Variants in IMMP2L observed in about 807,000 individuals in gnomAD.
The protein encoded by IMMP2L is inner mitochondrial membrane peptidase subunit 2.
A neutral mutation model predicts 19.3 loss-of-function variants in IMMP2L; 18 were observed. The ratio of observed to expected loss-of-function variants is 0.93; its 90% confidence interval spans 0.64 to 1.38. The LOEUF is 1.38. Among genes scored for constraint, IMMP2L ranks in the 40% most tolerant of loss-of-function variants. The pLI is 0.00. For synonymous variants in IMMP2L, 76 were observed against 73.0 expected, an observed-to-expected ratio of 1.04 and a Z score of -0.21; for missense variants, 233 against 218.2, an observed-to-expected ratio of 1.07 and a Z score of -0.43.
intron 3 of IMMP2L, among the ~76,000 whole-genome samples, chr7:111,220,580 G>C (rs1372891983): frequency 9.8e-6 from 1 of 102,190 alleles, no homozygotes; most frequent in Non-Finnish European, 2.1e-5. Context: ...GAAACATGAT[G>C]GATGGATGGA....
intron 4 of IMMP2L, among the ~76,000 whole-genome samples, chr7:110,956,669 G>T (rs1257248467): frequency 6.6e-6 from 1 of 151,704 alleles, no homozygotes; most frequent in Non-Finnish European, 1.5e-5. Context: ...TTCTTCACTA[G>T]GGACTAAAAA....
At chr7:111,419,651 A>C (rs1396929365) in intron 3 of IMMP2L, among the ~76,000 whole-genome samples, 2 of 151,666 alleles carry the variant, frequency 1.3e-5, no homozygotes, top group Non-Finnish European at 2.9e-5. Context: ...TTTATCTTAC[A>C]TATGTTTATT....
chr7:111,288,247 G>A (rs1011653271), intron 3 of IMMP2L, among the ~76,000 whole-genome samples: 2 of 152,064 alleles, frequency 1.3e-5, no homozygotes, highest in Admixed American at 6.6e-5. Context: ...AAAGAAATTC[G>A]TATTTGGTGG....
chr7:111,274,651 A>G (rs886914053), intron 3 of IMMP2L, among the ~76,000 whole-genome samples: 3 of 152,178 alleles, frequency 2.0e-5, no homozygotes, highest in Admixed American at 6.5e-5. Flanking sequence ...CAATTAACAA[A>G]CAGACATGAA....
chr7:111,202,142 TAATTGTCACTTGAGA>T, intron 3 of IMMP2L, among the ~76,000 whole-genome samples: 2 of 152,338 alleles, frequency 1.3e-5, no homozygotes, highest in African/African-American at 2.4e-5. Flanking sequence ...ATTCAAAGCG[TAATTGTCACTTGAGA>T]GACAATTAAA....
At chr7:110,804,420 C>T (rs998190403) in intron 5 of IMMP2L, among the ~76,000 whole-genome samples, 3 of 151,904 alleles carry the variant, frequency 2.0e-5, no homozygotes, top group African/African-American at 7.3e-5. Context: ...TCTTTGGAGT[C>T]TAAAAGAGTA....
intron 3 of IMMP2L, among the ~76,000 whole-genome samples, chr7:111,338,874 C>A (rs969011540): frequency 6.6e-6 from 1 of 152,104 alleles, no homozygotes; most frequent in South Asian, 2.1e-4. Context: ...CAGTTGGCAA[C>A]AAGCTTCACC....
At chr7:111,488,893 A>C (rs1019894848) in intron 2 of IMMP2L, among the ~76,000 whole-genome samples, 1 of 151,532 alleles carries the variant, frequency 6.6e-6, no homozygotes, top group African/African-American at 2.4e-5. Context: ...GATTATGGCC[A>C]CTCTTGCAGG....
chr7:110,781,011 G>A (rs1024118028), intron 5 of IMMP2L, among the ~76,000 whole-genome samples: 16 of 151,914 alleles, frequency 1.1e-4, no homozygotes, highest in Non-Finnish European at 7.4e-5. Context: ...TGGGGAAGAT[G>A]CTAGAAGTTA....
chr7:111,179,021 G>C (rs1327848885), intron 3 of IMMP2L, among the ~76,000 whole-genome samples: 1 of 151,896 alleles, frequency 6.6e-6, no homozygotes, highest in East Asian at 1.9e-4. Flanking sequence ...ATGATAGCTA[G>C]AGCCTTACAA....
intron 5 of IMMP2L, among the ~76,000 whole-genome samples, chr7:110,691,531 A>G (rs2130546153): frequency 6.6e-6 from 1 of 152,336 alleles, no homozygotes; most frequent in South Asian, 2.1e-4. Context: ...GACAAACCAC[A>G]GAATAAGAAA....
intron 1 of IMMP2L, among the ~76,000 whole-genome samples, chr7:111,528,145 G>A (rs1057292325): frequency 4.6e-5 from 7 of 151,996 alleles, no homozygotes; most frequent in African/African-American, 1.7e-4. Flanking sequence ...TTCACATATT[G>A]GCAAAGTTAA....
At chr7:110,679,768 A>G (rs1792574592) in intron 5 of IMMP2L, among the ~76,000 whole-genome samples, 1 of 152,180 alleles carries the variant, frequency 6.6e-6, no homozygotes, top group East Asian at 1.9e-4. Context: ...CTTTCAAAAT[A>G]AAAGGAGAGA....
At chr7:110,698,241 T>C (rs1338556640) in intron 5 of IMMP2L, among the ~76,000 whole-genome samples, 1 of 152,166 alleles carries the variant, frequency 6.6e-6, no homozygotes, top group African/African-American at 2.4e-5. Flanking sequence ...GAAATTACAG[T>C]GTTTGAAAAG....
At chr7:111,152,616 C>T (rs1468723605) in intron 3 of IMMP2L, among the ~76,000 whole-genome samples, 1 of 152,136 alleles carries the variant, frequency 6.6e-6, no homozygotes, top group East Asian at 1.9e-4. Context: ...GTTTAAGCTT[C>T]AGCTCAGTCC....
Position 111,217,122 on chromosome 7 carries a change from TCTCTCA to T in IMMP2L, c.240-253563_240-253558del, listed in dbSNP as rs1206787251. On this transcript the variant is annotated intron_variant, in intron 3 of 5. Coordinates refer to ENST00000405709, the MANE Select transcript of IMMP2L (RefSeq NM_032549.4). ...GTCTCTCTCTCTCTCTCTCTCTCTC[TCTCTCA>T]CACACACACACACACACACACACAC... Among the ~76,000 whole-genome samples the T allele has an allele frequency of 6.8e-3, 957 of 140,382 alleles. 10 individuals are homozygous for T. Among genetic ancestry groups the T allele is most frequent in the African/African-American group, 0.021 (767 of 35,940 alleles). 92.1% of individuals were successfully genotyped at this position (140,382 alleles called of 152,430 possible).
chr7:111,380,969 G>T (rs1347143728), intron 3 of IMMP2L, among the ~76,000 whole-genome samples: 1 of 151,824 alleles, frequency 6.6e-6, no homozygotes, highest in African/African-American at 2.4e-5. Flanking sequence ...TATTTTCCAT[G>T]TTTCCAGAAT....
intron 3 of IMMP2L, among the ~76,000 whole-genome samples, chr7:111,264,567 G>T: frequency 6.6e-6 from 1 of 151,710 alleles, no homozygotes; most frequent in East Asian, 1.9e-4. Context: ...AGAATTTAAG[G>T]CTGGATAGCA....
In IMMP2L at chr7:111,198,222, T is replaced by A. The variant is rs187774592; in HGVS notation, c.240-234657A>T. On this transcript the variant is annotated intron_variant, in intron 3 of 5. Coordinates refer to ENST00000405709, the MANE Select transcript of IMMP2L (RefSeq NM_032549.4). Reference sequence around the variant, plus strand: ...AAAAAAATGCTCTCTCTAGTCTGCATAAACTGGCTGAAGTTTTGATCTGAT... The same window carrying A: ...AAAAAAATGCTCTCTCTAGTCTGCAAAAACTGGCTGAAGTTTTGATCTGAT... 2.0e-3 allele frequency among the ~76,000 whole-genome samples: 302 copies of A among 152,314 alleles called. 3 individuals are homozygous for A. The highest frequency in any genetic ancestry group is 0.019 in the Admixed American group (284 of 15,300).
Sources: gnomAD v4.1 joint callset for allele counts (sites outside exome capture counted in the v4.1 genomes callset) on GRCh38, gnomAD v4.1.1 for gene constraint, MANE v1.5 for transcripts, NCBI Gene and HGNC (gene_info 2026-07-23, HGNC 2026-07-21) for gene names.